Variants in NPAS3 observed in about 807,000 individuals in gnomAD.
The protein encoded by NPAS3 is neuronal PAS domain protein 3, also known as neuronal PAS domain-containing protein 3.
NPAS3 carries 14 observed loss-of-function variants against 73.1 expected under a neutral mutation model. The observed-to-expected ratio is 0.19, with a 90% CI of 0.13 to 0.30. The LOEUF is 0.30. NPAS3 is among the 10% of genes least tolerant of loss of function. The probability of loss-of-function intolerance (pLI) is 1.00; values close to 1 mark genes in which losing one functional copy is unlikely to be tolerated. For synonymous variants in NPAS3, 620 were observed against 541.5 expected (o/e 1.14, Z -2.01); for missense variants, 1,096 against 1,250.0 (o/e 0.88, Z 1.86).
At chr14:33,481,112 A>G (rs2139709937) in intron 4 of NPAS3, among the ~76,000 whole-genome samples, 1 of 152,334 alleles carries the variant, frequency 6.6e-6, no homozygotes, top group East Asian at 1.9e-4. Context: ...TAAATGGCGA[A>G]TAAGAATGAA....
intron 3 of NPAS3, among the ~76,000 whole-genome samples, chr14:33,267,132 GAATAA>G (rs1025691361): frequency 6.6e-6 from 1 of 152,050 alleles, no homozygotes; most frequent in Non-Finnish European, 1.5e-5. Flanking sequence ...AAAGCATATA[GAATAA>G]AATAAATTAA....
intron 4 of NPAS3, among the ~76,000 whole-genome samples, chr14:33,548,802 G>T (rs1169620091): frequency 6.6e-6 from 1 of 152,166 alleles, no homozygotes; most frequent in African/African-American, 2.4e-5. Flanking sequence ...CCCTTTGTTG[G>T]CTGAGATGCC....
At chr14:32,941,060 G>T (rs1028474850) in intron 1 of NPAS3, among the ~76,000 whole-genome samples, 1 of 152,126 alleles carries the variant, frequency 6.6e-6, no homozygotes, top group African/African-American at 2.4e-5. Flanking sequence ...GTTTCATGAA[G>T]AATTCACACT....
At chr14:33,695,366 T>G (rs570913428) in intron 6 of NPAS3, among the ~76,000 whole-genome samples, 4 of 152,192 alleles carry the variant, frequency 2.6e-5, no homozygotes, top group Non-Finnish European at 4.4e-5. Context: ...TAGAAAAGTT[T>G]GTTTCCCAAA....
In NPAS3 at chr14:33,537,936, C is replaced by T. The variant is rs185505332; in HGVS notation, c.469-22185C>T. ...GCATCTGGAGTCTCAAGCTGGTCAC[C>T]TTGCCTCAGCCAGGTGGTTCATGTA... On this transcript the variant is annotated intron_variant, in intron 4 of 11. Transcript: ENST00000356141. Among the ~76,000 whole-genome samples the T allele has an allele frequency of 1.1e-3, 171 of 152,318 alleles. 1 individual carries two copies. Among genetic ancestry groups the T allele is most frequent in the African/African-American group, 4.0e-3 (166 of 41,584 alleles).
intron 6 of NPAS3, among the ~76,000 whole-genome samples, chr14:33,697,857 C>T (rs1473624250): frequency 6.6e-6 from 1 of 152,156 alleles, no homozygotes; most frequent in Non-Finnish European, 1.5e-5. Flanking sequence ...GTTCTTTAAC[C>T]TAGCATAGGC....
chr14:33,068,982 C>G (rs1321455199), intron 2 of NPAS3, among the ~76,000 whole-genome samples: 1 of 151,996 alleles, frequency 6.6e-6, no homozygotes, highest in East Asian at 1.9e-4. Flanking sequence ...TTGTTCCACT[C>G]GAAACAGAGT....
At chr14:32,956,320 C>T (rs577353362) in intron 1 of NPAS3, among the ~76,000 whole-genome samples, 1 of 152,100 alleles carries the variant, frequency 6.6e-6, no homozygotes, top group Non-Finnish European at 1.5e-5. Context: ...GGGATTTCTC[C>T]TCTGTTGGCA....
At chr14:33,317,000 C>T (rs575494807) in intron 3 of NPAS3, among the ~76,000 whole-genome samples, 4 of 152,114 alleles carry the variant, frequency 2.6e-5, no homozygotes, top group South Asian at 2.1e-4. Context: ...TCTGTAATTT[C>T]GTAAAGCATG....
intron 2 of NPAS3, among the ~76,000 whole-genome samples, chr14:33,060,594 A>G (rs2041061195): frequency 6.6e-6 from 1 of 152,186 alleles, no homozygotes; most frequent in Non-Finnish European, 1.5e-5. Flanking sequence ...TGTCTTTTCC[A>G]TCCTTTGGAA....
At chr14:33,237,936 C>T (rs1300653446) in intron 3 of NPAS3, among the ~76,000 whole-genome samples, 2 of 151,642 alleles carry the variant, frequency 1.3e-5, no homozygotes, top group African/African-American at 2.4e-5. Context: ...TTCTCATGTA[C>T]ATTTTCACAA....
chr14:33,663,535 G>C (rs894896854), intron 5 of NPAS3, among the ~76,000 whole-genome samples: 1 of 152,108 alleles, frequency 6.6e-6, no homozygotes, highest in Admixed American at 6.5e-5. Context: ...TTCTTTTTTT[G>C]TTGTGTCTCT....
At chr14:33,620,454 G>T (rs2058046085) in intron 5 of NPAS3, among the ~76,000 whole-genome samples, 1 of 152,100 alleles carries the variant, frequency 6.6e-6, no homozygotes, top group Non-Finnish European at 1.5e-5. Flanking sequence ...TATTTGAAAA[G>T]AAAGGTGTGT....
downstream of NPAS3, chr14:33,801,821 T>C (rs866456001): frequency 7.2e-5 from 11 of 152,454 alleles, no homozygotes; most frequent in South Asian, 2.1e-4. Flanking sequence ...TAATCTGTAA[T>C]GTCTTCATAC....
At chr14:33,562,056 G>C (rs2055675417) in intron 5 of NPAS3, among the ~76,000 whole-genome samples, 2 of 152,120 alleles carry the variant, frequency 1.3e-5, no homozygotes, top group African/African-American at 4.8e-5. Flanking sequence ...CAGTCCTCCT[G>C]CCAGCACAGC....
intron 2 of NPAS3, among the ~76,000 whole-genome samples, chr14:33,164,703 A>G (rs1015806584): frequency 1.3e-5 from 2 of 152,142 alleles, no homozygotes; most frequent in African/African-American, 2.4e-5. Context: ...TTTCTTTCGT[A>G]TTCCTGTTAC....
intron 6 of NPAS3, among the ~76,000 whole-genome samples, chr14:33,716,424 T>C (rs1401732495): frequency 6.6e-6 from 1 of 152,220 alleles, no homozygotes; most frequent in African/African-American, 2.4e-5. Context: ...CTCATTAGTA[T>C]GTCATGTTTC....
chr14:33,477,498 G>A (rs1024956003), intron 4 of NPAS3, among the ~76,000 whole-genome samples: 1 of 151,864 alleles, frequency 6.6e-6, no homozygotes, highest in Non-Finnish European at 1.5e-5. Flanking sequence ...CATACAACAC[G>A]CTCATTCACA....
At chr14:33,129,197 G>A (rs1457235242) in intron 2 of NPAS3, among the ~76,000 whole-genome samples, 1 of 152,100 alleles carries the variant, frequency 6.6e-6, no homozygotes, top group African/African-American at 2.4e-5. Flanking sequence ...TCTCATTTTA[G>A]AATTCTGTGA....
Sources: gnomAD v4.1 joint callset for allele counts (sites outside exome capture counted in the v4.1 genomes callset) on GRCh38, gnomAD v4.1.1 for gene constraint, MANE v1.5 for transcripts, NCBI Gene and HGNC (gene_info 2026-07-23, HGNC 2026-07-21) for gene names.